MUS81: variants seen among roughly 807,000 people sequenced by gnomAD.
The protein encoded by MUS81 is MUS81 structure-specific endonuclease subunit.
Under a neutral mutation model 74.2 loss-of-function variants are expected in MUS81, and 69 were observed. That is an observed-to-expected ratio of 0.93 (90% CI 0.77 to 1.14). The LOEUF (loss-of-function observed/expected upper bound fraction) is 1.14, where lower values mean the gene tolerates loss of function less well. Ranked by LOEUF, MUS81 falls within the 50% of genes most tolerant of loss-of-function variation. MUS81 has a pLI of 0.00. For synonymous variants in MUS81, 303 were observed against 300.6 expected (o/e 1.01, Z -0.08); for missense variants, 711 against 726.5 (o/e 0.98, Z 0.25).
Position 65,866,386 on chromosome 11 carries a change from AAATAAAAAT to A in MUS81, c.*346_*354del. On this transcript the variant is annotated 3_prime_UTR_variant, in exon 16 of 16. Transcript: ENST00000308110. Reference sequence around the variant, plus strand: ...TAGGAGTGCAGAGGGCTCATTGGGAAAATAAAAATAATAAAAATAAATAAAACTTCCTAA... The same window carrying A: ...TAGGAGTGCAGAGGGCTCATTGGGAAAATAAAAATAAATAAAACTTCCTAA... The A allele has an allele frequency of 4.7e-6, 3 of 636,786 alleles. No individual in the cohort carries two copies. The highest frequency in any genetic ancestry group is 1.8e-5 in the South Asian group (1 of 55,342). The allele number at this position is 636,786 out of a possible 1,614,324, so 39.4% of individuals were successfully genotyped here.
intron 2 of MUS81, 120 bp downstream of exon 2, chr11:65,861,222 G>C: frequency 6.4e-7 from 1 of 1,560,546 alleles, no homozygotes; most frequent in Non-Finnish European, 8.7e-7. Flanking sequence ...GTTCGGCCTA[G>C]GGCTAGTGGC....
At position 65,863,448 on chromosome 11, in the gene MUS81, T is replaced by A; in HGVS notation, c.785T>A (p.Leu262Gln). 1 of 1,614,046 alleles carries A rather than the reference T, an allele frequency of 6.2e-7. No homozygotes were observed. The highest frequency in any genetic ancestry group is 8.5e-7 in the Non-Finnish European group (1 of 1,179,990). ...GGGGTCCAGCAGCAGCCACTGGAGC[T>A]GAGGCCTGGAGAGTACAGGGTGCTG... is the stretch of plus-strand genomic sequence containing the variant. ...EAGVQQQPLE[L>Q]RPGEYRVLLC... Residue 262 changes from leucine (L) to glutamine (Q), a missense_variant, in exon 8 of 16, where the codon CTG (leucine) becomes CAG (glutamine). Leu to Gln is a moderately radical substitution (Grantham distance 113, BLOSUM62 -2). Transcript: ENST00000308110.
At position 65,864,758 on chromosome 11, in the gene MUS81, TAAG is replaced by T. The variant is rs1181282269; in HGVS notation, c.1216_1218del (p.Lys406del). On this transcript the variant is annotated inframe_deletion, in exon 12 of 16. Coordinates refer to ENST00000308110, the MANE Select transcript of MUS81 (RefSeq NM_025128.5). ...TTTTTGTGAAGCGCACAGCAGACAT[TAAG>T]GAGTCAGCCGCCTACCTGGCCCTCT... is the stretch of plus-strand genomic sequence containing the variant. 6.2e-7 allele frequency: 1 copy of T among 1,613,848 alleles called. No homozygotes were observed. The highest frequency in any genetic ancestry group is 8.5e-7 in the Non-Finnish European group (1 of 1,179,988).
Position 65,864,816 on chromosome 11 carries a change from G to C in MUS81, c.1272+1G>C. ...GCGGGGCCTGCAGAGACTCTACCAG[G>C]TGAGCAGAGGCCCCTTTCCCAGTGT... On this transcript the variant is annotated splice_donor_variant, in intron 12 of 15. Coordinates refer to ENST00000308110, the MANE Select transcript of MUS81 (RefSeq NM_025128.5). LOFTEE classifies it high-confidence loss of function. 1 of 1,611,876 alleles carries C rather than the reference G, an allele frequency of 6.2e-7. No individual in the cohort carries two copies. Among genetic ancestry groups the C allele is most frequent in the Non-Finnish European group, 8.5e-7 (1 of 1,179,622 alleles).
At chr11:65,866,649 C>T (rs1565271657), downstream of MUS81, 6 of 703,664 alleles carry the variant, frequency 8.5e-6, no homozygotes, top group Non-Finnish European at 1.3e-5. Flanking sequence ...ACCTCCTCTC[C>T]TCTCGGGGTG....
At chr11:65,862,373 C>T in intron 5 of MUS81, 71 bp from the exon 6 acceptor site, 1 of 1,588,224 alleles carries the variant, frequency 6.3e-7, no homozygotes, top group Non-Finnish European at 8.6e-7. Context: ...TGGCCCATGG[C>T]TGGGGACACA....
chr11:65,865,544 C>T, intron 14 of MUS81: 1 of 628,360 alleles, frequency 1.6e-6, no homozygotes, highest in Non-Finnish European at 2.8e-6. Flanking sequence ...AGACGTCCCA[C>T]CTGGTGGAGA....
chr11:65,864,803 G>T lies in MUS81; in HGVS notation c.1260G>T (p.Gln420His). The T allele has an allele frequency of 6.2e-7, 1 of 1,613,048 alleles. No homozygotes were observed. The change falls in exon 12 of 16, where the codon CAG becomes CAT. Residue 420 changes from glutamine to histidine, a missense_variant. Gln to His is a conservative substitution (Grantham distance 24, BLOSUM62 0). Transcript: ENST00000308110. ...AYLALLTRGL[Q>H]RLYQGHTLRS... ...TGGCCCTCTTGACGCGGGGCCTGCAGAGACTCTACCAGGTGAGCAGAGGCC... is the reference window on the plus strand; with the variant it reads ...TGGCCCTCTTGACGCGGGGCCTGCATAGACTCTACCAGGTGAGCAGAGGCC...
At position 65,863,787 on chromosome 11, in the gene MUS81, G is replaced by A. The variant is rs757089333; in HGVS notation, c.962-17G>A. The A allele has an allele frequency of 8.1e-6, 13 of 1,614,166 alleles. No individual in the cohort carries two copies. The highest frequency in any genetic ancestry group is 2.2e-5 in the East Asian group (1 of 44,886). On this transcript the variant is annotated splice_polypyrimidine_tract_variant and intron_variant, in intron 9 of 15. Transcript: ENST00000308110. ...GGTGGGTAGGGGATCGCAAGCTAAC[G>A]GCTGGCTTGTCAGCAGCAAACCCTG...
chr11:65,861,926 G>C lies in MUS81; in HGVS notation c.352-21G>C, dbSNP rs769376693. On this transcript the variant is annotated intron_variant, in intron 3 of 15. Coordinates refer to ENST00000308110, the MANE Select transcript of MUS81 (RefSeq NM_025128.5). ...GATGACTGGCTGGCTTTCATGTTCAGAACTCCTCTGTACCTTTCAGGTTCC... is the reference window on the plus strand; with the variant it reads ...GATGACTGGCTGGCTTTCATGTTCACAACTCCTCTGTACCTTTCAGGTTCC... 3 of 1,587,350 alleles carry C rather than the reference G, an allele frequency of 1.9e-6. No homozygotes were observed. In the South Asian group the frequency reaches 3.4e-5, roughly 18 times the overall value.
At chr11:65,861,597 A>G (rs1274496554) in intron 3 of MUS81, 162 bp downstream of exon 3, 1 of 629,656 alleles carries the variant, frequency 1.6e-6, no homozygotes, top group East Asian at 2.7e-5. Context: ...ACCTGTGAAT[A>G]GAAATATTGG....
chr11:65,865,759 G>A (rs368295993), intron 14 of MUS81, 52 bp from the exon 15 acceptor site: 2 of 1,579,596 alleles, frequency 1.3e-6, no homozygotes, highest in Non-Finnish European at 1.7e-6. Context: ...TCATGGTGCT[G>A]GCCCAGAGTG....
rs1257276837 is a variant in MUS81 at position 65,860,904 on chromosome 11, G to A, written c.135+16G>A. 1.9e-6 allele frequency: 3 copies of A among 1,602,064 alleles called. No individual in the cohort carries two copies. The highest frequency in any genetic ancestry group is 2.6e-6 in the Non-Finnish European group (3 of 1,175,566). ...ATTTCAGAAGGTGGGTCCTGGCGTG[G>A]CCCGATGGGAAAAGCTGCTGGCCAG... On this transcript the variant is annotated intron_variant, in intron 1 of 15. Transcript: ENST00000308110.
At chr11:65,862,840 G>A (rs1040926315) in intron 6 of MUS81, among the ~76,000 whole-genome samples, 2 of 152,248 alleles carry the variant, frequency 1.3e-5, no homozygotes, top group Non-Finnish European at 2.9e-5. Context: ...AAGACAGGAG[G>A]AAGGAAATTG....
chr11:65,860,694 A>G lies in MUS81; in HGVS notation c.-60A>G. On this transcript the variant is annotated 5_prime_UTR_variant, in exon 1 of 16. Transcript: ENST00000308110. ...GGCCAGGTGTTCGAATCCCGACTCC[A>G]GAACTGGCGGCGTCCCAGTCCCGCG... is the stretch of plus-strand genomic sequence containing the variant. 6.5e-7 allele frequency: 1 copy of G among 1,532,124 alleles called. No homozygotes were observed. Among genetic ancestry groups the G allele is most frequent in the Non-Finnish European group, 8.7e-7 (1 of 1,145,364 alleles). 94.9% of individuals were successfully genotyped at this position (1,532,124 alleles called of 1,614,324 possible).
Position 65,862,480 on chromosome 11 carries a change from C to T in MUS81, c.556C>T (p.Arg186Cys), listed in dbSNP as rs374977599. 45 of 1,613,852 alleles carry T rather than the reference C, an allele frequency of 2.8e-5. No homozygotes were observed. Among genetic ancestry groups the T allele is most frequent in the Middle Eastern group, 1.7e-4 (1 of 6,060 alleles). ...PGSARPWPAL[R>C]SLLHRNLVLR... ...GAGTGCTCGACCCTGGCCAGCCCTC[C>T]GCTCCCTCCTTCACAGGAACCTGGT... Residue 186 changes from arginine (R) to cysteine (C), a missense_variant, in exon 6 of 16, where the codon CGC becomes TGC. Transcript: ENST00000308110.
chr11:65,862,328 C>A, intron 5 of MUS81, 49 bp downstream of exon 5: 1 of 1,603,602 alleles, frequency 6.2e-7, no homozygotes, highest in Non-Finnish European at 8.5e-7. Context: ...CTGGGGCCCA[C>A]CAAAGACTGC....
chr11:65,859,855 A>C (rs1452447074), upstream of MUS81, among the ~76,000 whole-genome samples: 1 of 152,160 alleles, frequency 6.6e-6, no homozygotes, highest in Non-Finnish European at 1.5e-5. Flanking sequence ...AGCCACAAAA[A>C]TGACGAAGTG....
intron 7 of MUS81, 63 bp downstream of exon 7, chr11:65,863,268 C>G (rs1859683461): frequency 6.3e-7 from 1 of 1,580,596 alleles, no homozygotes; most frequent in African/African-American, 1.3e-5. Flanking sequence ...GAGGCCAAAG[C>G]CCCGCCCCAA....
Sources: gnomAD v4.1 joint callset for allele counts (sites outside exome capture counted in the v4.1 genomes callset) on GRCh38, gnomAD v4.1.1 for gene constraint, MANE v1.5 for transcripts, NCBI Gene and HGNC (gene_info 2026-07-23, HGNC 2026-07-21) for gene names.